The following SMOC2 variants were observed in gnomAD, a reference collection of about 807,000 sequenced individuals.
SMOC2 encodes the protein SPARC-related modular calcium-binding protein 2.
A neutral mutation model predicts 61.4 loss-of-function variants in SMOC2; 39 were observed. That is an observed-to-expected ratio of 0.64 (90% CI 0.49 to 0.83). SMOC2 has a LOEUF of 0.83. SMOC2 is among the 40% of genes least tolerant of loss of function. The probability of loss-of-function intolerance (pLI) is 0.00; values close to 1 mark genes in which losing one functional copy is unlikely to be tolerated. For synonymous variants in SMOC2, 247 were observed against 239.9 expected (o/e 1.03, Z -0.27); for missense variants, 556 against 592.9 (o/e 0.94, Z 0.65).
At chr6:168,556,595 C>CT (rs67567793) in intron 7 of SMOC2, among the ~76,000 whole-genome samples, 50,518 of 150,058 alleles carry the variant, frequency 0.34, 8,664 homozygotes, top group Non-Finnish European at 0.39. Context: ...GCCTTGGGAT[C>CT]TTTTTTTTTT....
chr6:168,538,945 G>T (rs866471529), intron 4 of SMOC2, among the ~76,000 whole-genome samples: 2 of 152,106 alleles, frequency 1.3e-5, no homozygotes, highest in Non-Finnish European at 2.9e-5. Context: ...ATGAGCCCCA[G>T]GGTCAGGTTT....
chr6:168,644,051 AATGAGC>A (rs1177719160), intron 9 of SMOC2, among the ~76,000 whole-genome samples: 6 of 152,342 alleles, frequency 3.9e-5, no homozygotes, highest in African/African-American at 1.4e-4. Flanking sequence ...GCATTTAATA[AATGAGC>A]ATTTACTATG....
At chr6:168,530,288 TC>T (rs1783558158) in intron 4 of SMOC2, among the ~76,000 whole-genome samples, 1 of 152,114 alleles carries the variant, frequency 6.6e-6, no homozygotes, top group African/African-American at 2.4e-5. Context: ...CCCCAAAGCC[TC>T]CCAGCTTTTC....
intron 7 of SMOC2, among the ~76,000 whole-genome samples, chr6:168,567,174 A>G (rs1277514275): frequency 6.6e-6 from 1 of 152,238 alleles, no homozygotes; most frequent in Non-Finnish European, 1.5e-5. Context: ...CTTTAATTGT[A>G]TAAGTCAATA....
intron 2 of SMOC2, among the ~76,000 whole-genome samples, chr6:168,523,488 AG>A (rs1231939404): frequency 2.0e-5 from 3 of 150,412 alleles, no homozygotes; most frequent in African/African-American, 7.4e-5. Flanking sequence ...CCCAGGTTCA[AG>A]TGATTCTCCT....
At chr6:168,581,052 TCC>T (rs1784906655) in intron 7 of SMOC2, among the ~76,000 whole-genome samples, 1 of 152,102 alleles carries the variant, frequency 6.6e-6, no homozygotes, top group Non-Finnish European at 1.5e-5. Context: ...CGCCTCTGAT[TCC>T]CCCCTGGTTT....
chr6:168,516,058 ATT>A, intron 2 of SMOC2, among the ~76,000 whole-genome samples: 1 of 152,018 alleles, frequency 6.6e-6, no homozygotes, highest in East Asian at 1.9e-4. Flanking sequence ...TTTTGGGGGC[ATT>A]TTTACATTTT....
intron 2 of SMOC2, among the ~76,000 whole-genome samples, chr6:168,522,127 A>G (rs1385692754): frequency 6.6e-6 from 1 of 152,222 alleles, no homozygotes; most frequent in South Asian, 2.1e-4. Context: ...CATTGATTAT[A>G]GTAATATAAT....
intron 7 of SMOC2, among the ~76,000 whole-genome samples, chr6:168,584,294 G>C (rs551606280): frequency 6.6e-6 from 1 of 152,214 alleles, no homozygotes; most frequent in East Asian, 1.9e-4. Context: ...TTCTTCCGAC[G>C]TGGGACCTAA....
chr6:168,526,759 C>T lies in SMOC2; in HGVS notation c.363+307C>T, dbSNP rs986829123. Reference sequence around the variant, plus strand: ...GCTTCCTTAGTGAGGCCAATTAGACCGTGCTAACCTGGCTTGCAGCTTAGA... The same window carrying T: ...GCTTCCTTAGTGAGGCCAATTAGACTGTGCTAACCTGGCTTGCAGCTTAGA... On this transcript the variant is annotated intron_variant, in intron 3 of 12. Coordinates refer to ENST00000356284, the MANE Select transcript of SMOC2 (RefSeq NM_001166412.2). 7.9e-5 allele frequency among the ~76,000 whole-genome samples: 12 copies of T among 152,090 alleles called. No individual in the cohort carries two copies. The East Asian group carries it at 9.6e-4, about 12-fold the overall frequency.
rs148848245 is a variant in SMOC2, at chr6:168,586,539, G to A, written c.638-12279G>A. ...CTACTATAGAGCTTCCTAGGATTTC[G>A]GTAGGAATTATATGGGATCCACCAA... On this transcript the variant is annotated intron_variant, in intron 7 of 12. Coordinates refer to ENST00000356284, the MANE Select transcript of SMOC2 (RefSeq NM_001166412.2). Among the ~76,000 whole-genome samples, 684 of 152,204 alleles carry A rather than the reference G, an allele frequency of 4.5e-3. 4 individuals carry two copies. Among genetic ancestry groups the A allele is most frequent in the African/African-American group, 0.016 (654 of 41,536 alleles).
chr6:168,665,189 C>A, intron 12 of SMOC2: 1 of 177,432 alleles, frequency 5.6e-6, no homozygotes, highest in Non-Finnish European at 1.2e-5. Flanking sequence ...TGTACTCATG[C>A]GCTCCACGCA....
At chr6:168,518,749 A>ATG (rs202020602) in intron 2 of SMOC2, among the ~76,000 whole-genome samples, 86 of 148,538 alleles carry the variant, frequency 5.8e-4, no homozygotes, top group African/African-American at 1.8e-3. Context: ...GTGAATGTGC[A>ATG]TGTGTGTGTG....
chr6:168,539,253 T>C (rs1170526579), intron 4 of SMOC2, among the ~76,000 whole-genome samples: 1 of 152,224 alleles, frequency 6.6e-6, no homozygotes, highest in Non-Finnish European at 1.5e-5. Flanking sequence ...TGAAAATCAC[T>C]GTGTGTAGAA....
intron 1 of SMOC2, among the ~76,000 whole-genome samples, chr6:168,472,227 G>T (rs960495662): frequency 6.6e-6 from 1 of 152,114 alleles, no homozygotes; most frequent in African/African-American, 2.4e-5. Flanking sequence ...TTTTGTCTGT[G>T]GTGTTAGGTA....
intron 6 of SMOC2, among the ~76,000 whole-genome samples, chr6:168,547,727 C>T (rs931919564): frequency 6.6e-6 from 1 of 151,688 alleles, no homozygotes; most frequent in African/African-American, 2.4e-5. Flanking sequence ...TGATGTTAGA[C>T]AGGGATAAAA....
chr6:168,510,917 A>G (rs780535883), intron 2 of SMOC2, among the ~76,000 whole-genome samples: 8 of 152,228 alleles, frequency 5.3e-5, no homozygotes, highest in Non-Finnish European at 1.0e-4. Flanking sequence ...TCCTACTGAC[A>G]TTATGAAGAC....
intron 7 of SMOC2, among the ~76,000 whole-genome samples, chr6:168,591,715 C>A (rs1455329642): frequency 6.6e-6 from 1 of 150,472 alleles, no homozygotes; most frequent in African/African-American, 2.4e-5. Flanking sequence ...GCCTTCATAT[C>A]GGAATTGCTT....
intron 1 of SMOC2, among the ~76,000 whole-genome samples, chr6:168,488,780 G>A (rs553167960): frequency 6.4e-4 from 97 of 150,654 alleles, no homozygotes; most frequent in African/African-American, 1.8e-3. Context: ...ATATCGAATC[G>A]TCTGGGTCCT....
Sources: gnomAD v4.1 joint callset for allele counts (sites outside exome capture counted in the v4.1 genomes callset) on GRCh38, gnomAD v4.1.1 for gene constraint, MANE v1.5 for transcripts, NCBI Gene and HGNC (gene_info 2026-07-23, HGNC 2026-07-21) for gene names.